The following LMBR1 variants were observed in gnomAD, a reference collection of about 807,000 sequenced individuals.
The protein encoded by LMBR1 is limb region 1 protein homolog.
A neutral mutation model predicts 73.9 loss-of-function variants in LMBR1; 52 were observed. That is an observed-to-expected ratio of 0.70 (90% CI 0.56 to 0.89). The LOEUF is 0.89. Ranked by LOEUF, LMBR1 falls within the 40% of genes least tolerant of loss-of-function variation. The pLI is 0.00. For synonymous variants in LMBR1, 215 were observed against 209.4 expected, an observed-to-expected ratio of 1.03 and a Z score of -0.23; for missense variants, 539 against 579.8, an observed-to-expected ratio of 0.93 and a Z score of 0.72.
At position 156,685,664 on chromosome 7, in the gene LMBR1, A is replaced by T. The variant is rs1805858718; in HGVS notation, c.1388-1501T>A. Among the ~76,000 whole-genome samples, 2 of 152,234 alleles carry T rather than the reference A, an allele frequency of 1.3e-5. No individual in the cohort carries two copies. On this transcript the variant is annotated intron_variant, in intron 16 of 16. Coordinates refer to ENST00000353442, the MANE Select transcript of LMBR1 (RefSeq NM_022458.4). This position sits in a 1 kb window ranked among gnomAD's most constrained non-coding sequence, Gnocchi z 4.1. ...CTGGCAGAAACGGTTCAGCTCCATG[A>T]TCATCTGCTGTGGCCACTGTCACAT...
intron 5 of LMBR1, among the ~76,000 whole-genome samples, chr7:156,790,740 TA>T (rs139045072): frequency 0.032 from 4,836 of 152,238 alleles, 123 homozygotes; most frequent in South Asian, 0.084. Context: ...TTTCCTGAAC[TA>T]AATGATTTTC....
At chr7:156,800,969 T>C (rs1319913607) in intron 4 of LMBR1, among the ~76,000 whole-genome samples, 2 of 152,248 alleles carry the variant, frequency 1.3e-5, no homozygotes, top group Non-Finnish European at 2.9e-5. Flanking sequence ...AGCTGCTTCT[T>C]AGGGATGAAC....
chr7:156,758,905 C>T (rs377707185), intron 8 of LMBR1, among the ~76,000 whole-genome samples: 16 of 152,184 alleles, frequency 1.1e-4, no homozygotes, highest in African/African-American at 2.4e-4. Flanking sequence ...AACAATCCTA[C>T]GAAAAACAGA....
intron 5 of LMBR1, among the ~76,000 whole-genome samples, chr7:156,788,369 CTT>C (rs1192027238): frequency 1.3e-5 from 2 of 152,138 alleles, no homozygotes; most frequent in African/African-American, 4.8e-5. Flanking sequence ...TTAGTATGCT[CTT>C]CGTTACCTTG....
At chr7:156,788,373 G>A (rs1166268430) in intron 5 of LMBR1, among the ~76,000 whole-genome samples, 1 of 152,074 alleles carries the variant, frequency 6.6e-6, no homozygotes, top group African/African-American at 2.4e-5. Context: ...TATGCTCTTC[G>A]TTACCTTGTA....
chr7:156,830,206 T>A (rs1454517662), intron 3 of LMBR1, among the ~76,000 whole-genome samples: 3 of 152,188 alleles, frequency 2.0e-5, no homozygotes, highest in Non-Finnish European at 4.4e-5. Flanking sequence ...AATGTGACAC[T>A]CAATTTTTTT....
intron 4 of LMBR1, among the ~76,000 whole-genome samples, chr7:156,799,563 T>C (rs928508143): frequency 7.1e-6 from 1 of 140,644 alleles, no homozygotes. Context: ...TTCCTTCATC[T>C]CTCTCCTTCT....
chr7:156,742,129 C>T lies in LMBR1; in HGVS notation c.758-7872G>A, dbSNP rs557693453. Among the ~76,000 whole-genome samples, 5 of 152,074 alleles carry T rather than the reference C, an allele frequency of 3.3e-5. No individual in the cohort carries two copies. The South Asian group carries it at 1.0e-3, about 32-fold the overall frequency. On this transcript the variant is annotated intron_variant, in intron 9 of 16. Transcript: ENST00000353442. ...TGGAAGCACAACATACCAAAACCTA[C>T]AGGATGCAGCAAAAGCAGTACTAAG...
intron 1 of LMBR1, among the ~76,000 whole-genome samples, chr7:156,850,677 A>G (rs768723524): frequency 3.6e-4 from 54 of 151,898 alleles, no homozygotes; most frequent in Non-Finnish European, 2.4e-4. Context: ...CACATTGGGT[A>G]TATTTTTGCT....
intron 16 of LMBR1, among the ~76,000 whole-genome samples, chr7:156,687,771 G>A (rs1010073748): frequency 5.3e-5 from 8 of 152,176 alleles, no homozygotes; most frequent in African/African-American, 1.7e-4. Flanking sequence ...GGATGTGCCA[G>A]GCGCTATGCT....
chr7:156,798,871 T>C (rs1310381495), intron 4 of LMBR1, among the ~76,000 whole-genome samples: 1 of 152,042 alleles, frequency 6.6e-6, no homozygotes, highest in Non-Finnish European at 1.5e-5. Flanking sequence ...ATTAAATATC[T>C]CATAGTCTTT....
intron 5 of LMBR1, among the ~76,000 whole-genome samples, chr7:156,769,610 T>C (rs7778704): frequency 0.23 from 34,585 of 152,086 alleles, 4,859 homozygotes; most frequent in African/African-American, 0.4. Context: ...GTTAGCCTGT[T>C]GCTGTTACAT....
At chr7:156,804,349 T>C (rs544504081) in intron 4 of LMBR1, among the ~76,000 whole-genome samples, 2 of 152,326 alleles carry the variant, frequency 1.3e-5, no homozygotes, top group East Asian at 1.9e-4. Flanking sequence ...AAAATAGTCA[T>C]AAATGCTCAT....
intron 1 of LMBR1, among the ~76,000 whole-genome samples, chr7:156,853,718 T>C (rs1298033942): frequency 6.6e-6 from 1 of 152,106 alleles, no homozygotes; most frequent in Non-Finnish European, 1.5e-5. Context: ...TGCAGTGGCG[T>C]GATCTCAGCT....
intron 4 of LMBR1, among the ~76,000 whole-genome samples, chr7:156,815,523 T>C (rs922863927): frequency 2.6e-5 from 4 of 152,204 alleles, no homozygotes; most frequent in Non-Finnish European, 4.4e-5. Context: ...TCACAAAGCA[T>C]ATATTTAAAC....
Position 156,669,603 on chromosome 7 carries a change from T to C in LMBR1, n.867-316A>G, listed in dbSNP as rs1802013616. ...GGCCCTGAGCTGGGCGCTGAGCAGA[T>C]AGGTCATTTTCAAGAGGGCGACCCA... On this transcript the variant is annotated intron_variant and non_coding_transcript_variant, in intron 4 of 4. Coordinates refer to the LMBR1 transcript ENST00000430825. This position sits in a 1 kb window ranked among gnomAD's most constrained non-coding sequence, Gnocchi z 4.2. Among the ~76,000 whole-genome samples the C allele has an allele frequency of 6.6e-6, 1 of 151,990 alleles. No individual in the cohort carries two copies. Among genetic ancestry groups the C allele is most frequent in the Non-Finnish European group, 1.5e-5 (1 of 67,982 alleles).
intron 5 of LMBR1, among the ~76,000 whole-genome samples, chr7:156,773,041 A>C (rs933747090): frequency 1.3e-5 from 2 of 152,188 alleles, no homozygotes; most frequent in African/African-American, 4.8e-5. Context: ...ATGTACAAAA[A>C]TCAGTAGCAC....
At chr7:156,792,133 T>C (rs1829328658) in intron 5 of LMBR1, among the ~76,000 whole-genome samples, 1 of 152,204 alleles carries the variant, frequency 6.6e-6, no homozygotes, top group East Asian at 1.9e-4. Flanking sequence ...TCTCTGATAT[T>C]AATCCAGATA....
At chr7:156,813,825 T>C (rs1205532184) in intron 4 of LMBR1, among the ~76,000 whole-genome samples, 1 of 152,184 alleles carries the variant, frequency 6.6e-6, no homozygotes, top group Non-Finnish European at 1.5e-5. Flanking sequence ...ACCTGCTACT[T>C]TGAATCCACA....
Sources: gnomAD v4.1 joint callset for allele counts (sites outside exome capture counted in the v4.1 genomes callset) on GRCh38, gnomAD v4.1.1 for gene constraint, Gnocchi (gnomAD v3.1) non-coding constraint, MANE v1.5 for transcripts, NCBI Gene and HGNC (gene_info 2026-07-23, HGNC 2026-07-21) for gene names.